MCTP1: variants seen among roughly 807,000 people sequenced by gnomAD.
The protein encoded by MCTP1 is multiple C2 and transmembrane domain containing 1.
MCTP1 carries 69 observed loss-of-function variants against 120.6 expected under a neutral mutation model. The ratio of observed to expected loss-of-function variants is 0.57; its 90% confidence interval spans 0.47 to 0.70. The LOEUF (loss-of-function observed/expected upper bound fraction) is 0.70, where lower values mean the gene tolerates loss of function less well. Among genes scored for constraint, MCTP1 ranks in the 30% least tolerant of loss-of-function variants. The pLI is 0.00. For synonymous variants in MCTP1, 529 were observed against 493.1 expected, an observed-to-expected ratio of 1.07 and a Z score of -0.96; for missense variants, 1,203 against 1,248.8, an observed-to-expected ratio of 0.96 and a Z score of 0.55.
intron 19 of MCTP1, among the ~76,000 whole-genome samples, chr5:94,751,362 C>A (rs1360230860): frequency 6.6e-6 from 1 of 150,832 alleles, no homozygotes; most frequent in Non-Finnish European, 1.5e-5. Context: ...TTCTACAGAG[C>A]CCAGGCATAT....
intron 1 of MCTP1, among the ~76,000 whole-genome samples, chr5:95,079,751 A>C (rs1282535921): frequency 6.6e-6 from 1 of 151,908 alleles, no homozygotes; most frequent in Non-Finnish European, 1.5e-5. Context: ...TATTAAAATA[A>C]ATGGTGATCA....
chr5:94,875,449 T>G (rs1165722076), intron 12 of MCTP1, among the ~76,000 whole-genome samples: 6 of 152,022 alleles, frequency 3.9e-5, no homozygotes, highest in Non-Finnish European at 8.8e-5. Flanking sequence ...GGCAGGTCTC[T>G]GAAAAAACTT....
chr5:95,271,562 G>C (rs551281351), intron 1 of MCTP1, among the ~76,000 whole-genome samples: 1 of 152,028 alleles, frequency 6.6e-6, no homozygotes, highest in Non-Finnish European at 1.5e-5. Flanking sequence ...GTCAGGCCAT[G>C]CTTGAAAACA....
intron 1 of MCTP1, among the ~76,000 whole-genome samples, chr5:95,030,770 G>T (rs542296847): frequency 6.6e-6 from 1 of 152,246 alleles, no homozygotes; most frequent in Admixed American, 6.5e-5. Flanking sequence ...ACAATGTCTT[G>T]ATACTTTTAA....
intron 1 of MCTP1, among the ~76,000 whole-genome samples, chr5:95,030,837 A>G (rs990120023): frequency 3.3e-5 from 5 of 152,164 alleles, no homozygotes; most frequent in African/African-American, 7.2e-5. Context: ...GTTTGAAAAA[A>G]CAGATAAAGA....
At chr5:95,033,757 T>G (rs1028336833) in intron 1 of MCTP1, among the ~76,000 whole-genome samples, 21 of 151,774 alleles carry the variant, frequency 1.4e-4, no homozygotes, top group Admixed American at 1.2e-3. Context: ...AGTATCCAAG[T>G]AGGAAAAAAA....
intron 1 of MCTP1, among the ~76,000 whole-genome samples, chr5:95,130,983 G>GGTTTT (rs1554211887): frequency 1.3e-5 from 2 of 152,028 alleles, no homozygotes; most frequent in African/African-American, 2.4e-5. Context: ...GACACGTTTT[G>GGTTTT]GTTTTGTTTT....
chr5:94,805,663 A>G (rs1435746451), intron 17 of MCTP1, among the ~76,000 whole-genome samples: 4 of 151,830 alleles, frequency 2.6e-5, no homozygotes, highest in South Asian at 2.1e-4. Context: ...CCTAACAAGT[A>G]TCTTATATCA....
chr5:94,871,252 CT>C (rs201600301), intron 14 of MCTP1, 62 bp downstream of exon 14: 106,832 of 745,204 alleles, frequency 0.14, no homozygotes, highest in South Asian at 0.19. Flanking sequence ...GTTTTCTTTT[CT>C]TTTTTTTTTT....
chr5:94,745,911 A>T (rs1157191582), intron 19 of MCTP1, among the ~76,000 whole-genome samples: 1 of 152,108 alleles, frequency 6.6e-6, no homozygotes, highest in African/African-American at 2.4e-5. Flanking sequence ...CTGTCTTTCC[A>T]TTTCTTCATC....
intron 1 of MCTP1, among the ~76,000 whole-genome samples, chr5:95,034,481 C>T (rs2151805554): frequency 6.6e-6 from 1 of 152,126 alleles, no homozygotes; most frequent in South Asian, 2.1e-4. Flanking sequence ...GGAAAGAACA[C>T]TCTATTTGAT....
At chr5:94,991,825 C>T (rs899695113) in intron 2 of MCTP1, among the ~76,000 whole-genome samples, 10 of 150,274 alleles carry the variant, frequency 6.7e-5, no homozygotes, top group South Asian at 2.1e-4. Context: ...TGCAGTGAGC[C>T]GAGATCACAC....
At chr5:94,859,047 T>C (rs1030614917) in intron 17 of MCTP1, among the ~76,000 whole-genome samples, 1 of 151,708 alleles carries the variant, frequency 6.6e-6, no homozygotes, top group Non-Finnish European at 1.5e-5. Context: ...CTACATTTTG[T>C]TTGGAGGTTT....
At chr5:94,916,110 A>G (rs1347347826) in intron 8 of MCTP1, among the ~76,000 whole-genome samples, 2 of 152,214 alleles carry the variant, frequency 1.3e-5, no homozygotes, top group Non-Finnish European at 2.9e-5. Context: ...ACTTCTCTAC[A>G]AAGAAACTCC....
rs113482781 is a variant in MCTP1 at position 95,247,889 on chromosome 5, T to C, written c.720+35967A>G. 7.2e-3 allele frequency among the ~76,000 whole-genome samples: 1,094 copies of C among 152,308 alleles called. 9 individuals carry two copies. Among genetic ancestry groups the C allele is most frequent in the African/African-American group, 0.025 (1,038 of 41,548 alleles). On this transcript the variant is annotated intron_variant, in intron 1 of 22. Coordinates refer to ENST00000515393, the MANE Select transcript of MCTP1 (RefSeq NM_024717.7). ...TCTGTTGATTTGGGGTATAGAGTTC[T>C]GTAGATATCTATTAGGTATGCTTGG...
At chr5:95,190,251 G>A (rs145543644) in intron 1 of MCTP1, among the ~76,000 whole-genome samples, 3 of 152,112 alleles carry the variant, frequency 2.0e-5, no homozygotes, top group African/African-American at 4.8e-5. Context: ...TCCTGACACT[G>A]GAAATATCCA....
chr5:95,265,519 T>G (rs891109974), intron 1 of MCTP1, among the ~76,000 whole-genome samples: 1 of 152,200 alleles, frequency 6.6e-6, no homozygotes, highest in Admixed American at 6.5e-5. Context: ...GACTGCAGGC[T>G]TCTACATTTC....
intron 19 of MCTP1, among the ~76,000 whole-genome samples, chr5:94,761,406 A>C (rs1191626639): frequency 1.3e-5 from 2 of 152,238 alleles, no homozygotes; most frequent in Admixed American, 1.3e-4. Flanking sequence ...GTAATTAGGT[A>C]GTCCTTTCAT....
intron 1 of MCTP1, among the ~76,000 whole-genome samples, chr5:95,061,419 T>TTTTTTTTTTTTTC (rs1749127884): frequency 5.2e-5 from 1 of 19,080 alleles, no homozygotes; most frequent in Non-Finnish European, 9.8e-5. Flanking sequence ...TTTTTTTTTT[T>TTTTTTTTTTTTTC]TTTTTTTTTT....
Sources: allele counts gnomAD v4.1 joint callset (sites outside exome capture counted in the v4.1 genomes callset), GRCh38; gene constraint gnomAD v4.1.1; transcripts MANE v1.5; gene names NCBI Gene and HGNC (gene_info 2026-07-23, HGNC 2026-07-21).